MAPK10: variants seen among roughly 807,000 people sequenced by gnomAD.
MAPK10 encodes JNK3 alpha protein kinase.
A neutral mutation model predicts 59.3 loss-of-function variants in MAPK10; 25 were observed. The ratio of observed to expected loss-of-function variants is 0.42; its 90% CI spans 0.31 to 0.59. MAPK10 has a LOEUF of 0.59. Ranked by LOEUF, MAPK10 falls within the 20% of genes least tolerant of loss-of-function variation. The probability of loss-of-function intolerance (pLI) is 0.15; values close to 1 mark genes in which losing one functional copy is unlikely to be tolerated. For synonymous variants in MAPK10, 190 were observed against 200.5 expected (o/e 0.95, Z 0.44); for missense variants, 351 against 568.9 (o/e 0.62, Z 3.90).
intron 11 of MAPK10, among the ~76,000 whole-genome samples, chr4:86,035,370 CAAAAAAAAAAA>C (rs70948779): frequency 1.3e-4 from 5 of 37,870 alleles, no homozygotes; most frequent in Admixed American, 7.6e-4. Context: ...GACTCTGTCT[CAAAAAAAAAAA>C]AAAAAAAAAA....
chr4:86,031,404 A>T lies in MAPK10; in HGVS notation c.1138T>A (p.Leu380Met). The part of the protein sequence containing the change: ...APPPQIYDKQ[L>M]DEREHTIEEW... ...TCAATTGTGTGTTCTCTTTCATCCA[A>T]CTGCTTGTCATATATCTGAGGTGGA... is the stretch of plus-strand genomic sequence containing the variant. The change falls in exon 12 of 14, where the codon TTG becomes ATG. Residue 380 changes from leucine (L) to methionine (M), a missense_variant. Transcript: ENST00000641462. The T allele has an allele frequency of 6.2e-7, 1 of 1,612,882 alleles. No individual in the cohort carries two copies. Among genetic ancestry groups the T allele is most frequent in the Non-Finnish European group, 8.5e-7 (1 of 1,179,176 alleles).
chr4:86,531,395 T>G (rs535917367), intron 1 of MAPK10, among the ~76,000 whole-genome samples: 1 of 152,286 alleles, frequency 6.6e-6, no homozygotes, highest in South Asian at 2.1e-4. Flanking sequence ...GGAGTTGTTT[T>G]GAGGTGGTGG....
At chr4:86,489,653 CT>C (rs914712759) in intron 1 of MAPK10, among the ~76,000 whole-genome samples, 17 of 152,048 alleles carry the variant, frequency 1.1e-4, no homozygotes, top group Admixed American at 3.9e-4. Flanking sequence ...GGGTTTGTCC[CT>C]TTTTTTTCTC....
At chr4:86,312,001 C>T (rs1486886711) in intron 2 of MAPK10, among the ~76,000 whole-genome samples, 1 of 151,990 alleles carries the variant, frequency 6.6e-6, no homozygotes, top group East Asian at 1.9e-4. Context: ...ACATCCTTAT[C>T]CTATCTGACC....
rs184654195 is a variant in MAPK10 at position 86,168,510 on chromosome 4, G to C, written c.67-9043C>G. ...GCAAGGTGGCAGCGAGGCTGGGGGA[G>C]AGGCGCCCGCCATTGCCCAGGCTTG... On this transcript the variant is annotated intron_variant, in intron 3 of 13. Transcript: ENST00000641462. 4.4e-3 allele frequency among the ~76,000 whole-genome samples: 663 copies of C among 152,354 alleles called. 6 individuals carry two copies. Among genetic ancestry groups the C allele is most frequent in the African/African-American group, 0.015 (636 of 41,586 alleles).
At chr4:86,173,569 G>A (rs905601168) in intron 3 of MAPK10, among the ~76,000 whole-genome samples, 5 of 152,010 alleles carry the variant, frequency 3.3e-5, no homozygotes, top group Non-Finnish European at 7.4e-5. Flanking sequence ...AATAGGCATG[G>A]GCAAAGATTT....
At chr4:86,372,511 A>C (rs988829150) in intron 1 of MAPK10, among the ~76,000 whole-genome samples, 6 of 143,980 alleles carry the variant, frequency 4.2e-5, no homozygotes, top group Non-Finnish European at 9.0e-5. Context: ...GTAAGACTCC[A>C]TCTCAAACAA....
At chr4:86,427,214 G>A (rs914145221) in intron 1 of MAPK10, among the ~76,000 whole-genome samples, 18 of 143,226 alleles carry the variant, frequency 1.3e-4, no homozygotes, top group Admixed American at 5.8e-4. Context: ...CCGAGATCGC[G>A]CCACTGCACT....
chr4:86,330,942 T>C (rs2096138230), intron 2 of MAPK10, among the ~76,000 whole-genome samples: 1 of 152,204 alleles, frequency 6.6e-6, no homozygotes, highest in Non-Finnish European at 1.5e-5. Context: ...TGTAAATACT[T>C]TATCCTTTTC....
Position 86,426,955 on chromosome 4 carries a change from GA to G in MAPK10, c.-122+26074del, listed in dbSNP as rs1004095538. Among the ~76,000 whole-genome samples the G allele has an allele frequency of 1.3e-3, 192 of 148,704 alleles. 1 individual carries two copies. The highest frequency in any genetic ancestry group is 2.3e-3 in the Non-Finnish European group (153 of 67,070). ...TCTTTTCGACTCTATCACTTTTTTT[GA>G]AAAAAAAAATTAAAGCTATGGCCGG... On this transcript the variant is annotated intron_variant, in intron 1 of 13. Transcript: ENST00000361569.
chr4:86,545,318 G>C (rs72665746), intron 1 of MAPK10, among the ~76,000 whole-genome samples: 47,978 of 152,042 alleles, frequency 0.32, 7,803 homozygotes, highest in Admixed American at 0.36. Flanking sequence ...TTTTGTCATT[G>C]CTTTCTTTCC....
intron 1 of MAPK10, among the ~76,000 whole-genome samples, chr4:86,458,750 C>T (rs1238111533): frequency 6.6e-6 from 1 of 152,146 alleles, no homozygotes; most frequent in Non-Finnish European, 1.5e-5. Context: ...CATCTCTCAC[C>T]TTATACAAAA....
intron 5 of MAPK10, among the ~76,000 whole-genome samples, chr4:86,104,505 C>T (rs2056184277): frequency 6.6e-6 from 1 of 152,206 alleles, no homozygotes; most frequent in Non-Finnish European, 1.5e-5. Flanking sequence ...GGAACATCTA[C>T]AGTGGGTCTG....
chr4:86,107,745 G>C (rs961888913), intron 4 of MAPK10: 2 of 667,082 alleles, frequency 3.0e-6, no homozygotes, highest in Non-Finnish European at 3.7e-6. Flanking sequence ...ATCTCTCTGA[G>C]CTTGAATTTC....
chr4:86,271,675 T>A (rs1157929923), intron 2 of MAPK10, among the ~76,000 whole-genome samples: 1 of 151,966 alleles, frequency 6.6e-6, no homozygotes, highest in African/African-American at 2.4e-5. Flanking sequence ...TTGGGAGGCC[T>A]CAGGAATCTT....
At chr4:86,481,604 CT>C (rs1753621020) in intron 1 of MAPK10, among the ~76,000 whole-genome samples, 1 of 152,112 alleles carries the variant, frequency 6.6e-6, no homozygotes, top group African/African-American at 2.4e-5. Flanking sequence ...ACATAATGAA[CT>C]GTTCCAGAAA....
chr4:86,099,194 A>G (rs1011699981), intron 8 of MAPK10: 4 of 152,352 alleles, frequency 2.6e-5, no homozygotes, highest in Non-Finnish European at 4.4e-5. Context: ...TCAGAAGTTT[A>G]TTCTTGTAAA....
At chr4:86,446,231 T>G (rs945141926) in intron 1 of MAPK10, among the ~76,000 whole-genome samples, 1 of 152,164 alleles carries the variant, frequency 6.6e-6, no homozygotes, top group Admixed American at 6.5e-5. Context: ...GGATTAGCTG[T>G]AAATGGACAT....
intron 2 of MAPK10, among the ~76,000 whole-genome samples, chr4:86,348,501 A>C (rs1729452440): frequency 1.3e-5 from 2 of 152,114 alleles, no homozygotes; most frequent in African/African-American, 4.8e-5. Context: ...ATAGATTCAT[A>C]AGTAATAGGG....
Sources: gnomAD v4.1 joint callset for allele counts (sites outside exome capture counted in the v4.1 genomes callset) on GRCh38, gnomAD v4.1.1 for gene constraint, MANE v1.5 for transcripts, NCBI Gene and HGNC (gene_info 2026-07-23, HGNC 2026-07-21) for gene names.